Variants in NUSAP1 observed in about 807,000 individuals in gnomAD.
NUSAP1 encodes nucleolar and spindle-associated protein 1.
In NUSAP1, 32 loss-of-function variants were observed where a neutral mutation model predicts 52.8. The observed-to-expected ratio is 0.61, with a 90% CI of 0.46 to 0.81. The LOEUF (loss-of-function observed/expected upper bound fraction) is 0.81, where lower values mean the gene tolerates loss of function less well. Ranked by LOEUF, NUSAP1 falls within the 40% of genes least tolerant of loss-of-function variation. The pLI, the probability that NUSAP1 is intolerant of heterozygous loss-of-function variation, is 0.00. For missense variants in NUSAP1, 499 were observed against 522.3 expected (o/e 0.96, Z 0.43); for synonymous variants, 195 against 183.1 (o/e 1.06, Z -0.52).
At chr15:41,355,612 T>G (rs796657464) in intron 4 of NUSAP1, among the ~76,000 whole-genome samples, 2 of 152,198 alleles carry the variant, frequency 1.3e-5, no homozygotes, top group African/African-American at 4.8e-5. Context: ...TACCACCATC[T>G]TGACAGAGCC....
intron 1 of NUSAP1, among the ~76,000 whole-genome samples, chr15:41,341,009 G>A (rs2048346991): frequency 6.6e-6 from 1 of 152,152 alleles, no homozygotes; most frequent in Non-Finnish European, 1.5e-5. Flanking sequence ...GATGGCTGTG[G>A]CCCTCAACTG....
chr15:41,378,956 T>G (rs1341071978), intron 10 of NUSAP1, among the ~76,000 whole-genome samples: 1 of 109,634 alleles, frequency 9.1e-6, no homozygotes, highest in Non-Finnish European at 1.9e-5. Context: ...TTTTTTTTTT[T>G]TTTTTTTTTT....
intron 7 of NUSAP1, among the ~76,000 whole-genome samples, chr15:41,366,281 T>C (rs1408100226): frequency 6.9e-6 from 1 of 145,948 alleles, no homozygotes; most frequent in Non-Finnish European, 1.5e-5. Context: ...TTTCTTTTTT[T>C]TTCTTTTTTC....
chr15:41,360,052 G>A (rs919077393), intron 6 of NUSAP1, among the ~76,000 whole-genome samples: 23 of 150,986 alleles, frequency 1.5e-4, no homozygotes, highest in African/African-American at 5.1e-4. Flanking sequence ...TCTGCTTCCC[G>A]GATGCAGCAG....
chr15:41,370,914 C>T (rs1173200159), intron 7 of NUSAP1, among the ~76,000 whole-genome samples: 3 of 152,038 alleles, frequency 2.0e-5, no homozygotes, highest in Non-Finnish European at 4.4e-5. Context: ...AGAGCCAGAA[C>T]CTGTCTCAAG....
intron 10 of NUSAP1, among the ~76,000 whole-genome samples, chr15:41,378,944 G>GGTTTTTTTTTTT (rs1253258207): frequency 1.7e-4 from 11 of 63,262 alleles, no homozygotes; most frequent in African/African-American, 6.3e-4. Flanking sequence ...ACTTATCTTG[G>GGTTTTTTTTTTT]TTTTTTTTTT....
At chr15:41,354,089 T>C (rs2048872265) in intron 4 of NUSAP1, among the ~76,000 whole-genome samples, 1 of 152,172 alleles carries the variant, frequency 6.6e-6, no homozygotes, top group Non-Finnish European at 1.5e-5. Flanking sequence ...AAAATAATAA[T>C]AATAAGCTGG....
In NUSAP1 at chr15:41,380,398, T is replaced by G. The variant is rs58964563; in HGVS notation, c.*212T>G. On this transcript the variant is annotated 3_prime_UTR_variant, in exon 11 of 11. Transcript: ENST00000559596. ...CAAATTCTTTGGGATGGTTTTTACT[T>G]AAGTCCATTAACAATTCAGGTTTCT... 7.6e-3 allele frequency: 2,908 copies of G among 383,968 alleles called. 91 individuals are homozygous for G. The highest frequency in any genetic ancestry group is 0.057 in the African/African-American group (2,706 of 47,780). The allele number at this position is 383,968 out of a possible 1,614,324, so 23.8% of individuals were successfully genotyped here.
At chr15:41,347,162 A>C (rs2140589775) in intron 2 of NUSAP1, among the ~76,000 whole-genome samples, 1 of 152,166 alleles carries the variant, frequency 6.6e-6, no homozygotes, top group Non-Finnish European at 1.5e-5. Context: ...ACAGAACTAG[A>C]CTCTGTCTCA....
chr15:41,379,041 C>G (rs1384913155), intron 10 of NUSAP1, among the ~76,000 whole-genome samples: 5 of 135,230 alleles, frequency 3.7e-5, no homozygotes, highest in African/African-American at 1.4e-4. Context: ...GCAACCTCTG[C>G]CTCCCAGGTT....
intron 6 of NUSAP1, among the ~76,000 whole-genome samples, chr15:41,360,749 T>A (rs2049140943): frequency 6.7e-6 from 1 of 149,640 alleles, no homozygotes; most frequent in African/African-American, 2.4e-5. Flanking sequence ...GAGCCACCAC[T>A]CCTGTCCTCA....
rs1189325383 is a variant in NUSAP1 at position 41,380,726 on chromosome 15, G to A, written c.*540G>A. ...AAATTGTTTAGGCTTATGTACCTTC[G>A]TTCAAATATCCTCATGTAATTGCCA... On this transcript the variant is annotated 3_prime_UTR_variant, in exon 11 of 11. Transcript: ENST00000559596. 1.3e-5 allele frequency: 2 copies of A among 152,162 alleles called. No individual in the cohort carries two copies. Among genetic ancestry groups the A allele is most frequent in the Admixed American group, 6.6e-5 (1 of 15,236 alleles). 9.4% of individuals were successfully genotyped at this position (152,162 alleles called of 1,614,324 possible).
chr15:41,337,931 C>CTTTTT (rs757341496), intron 1 of NUSAP1, among the ~76,000 whole-genome samples: 10 of 110,934 alleles, frequency 9.0e-5, no homozygotes, highest in African/African-American at 1.1e-4. Flanking sequence ...TTTCTTTTTT[C>CTTTTT]TTTTTTTTTT....
intron 5 of NUSAP1, among the ~76,000 whole-genome samples, chr15:41,357,014 C>T (rs996203638): frequency 2.4e-4 from 36 of 152,092 alleles, no homozygotes; most frequent in Admixed American, 2.0e-4. Flanking sequence ...TGTTGCCTGC[C>T]TTGGCCTGTC....
At chr15:41,368,269 C>G (rs2049503363) in intron 7 of NUSAP1, among the ~76,000 whole-genome samples, 1 of 152,126 alleles carries the variant, frequency 6.6e-6, no homozygotes, top group South Asian at 2.1e-4. Flanking sequence ...CCTCCTGCCT[C>G]AGCCTCCCAA....
At chr15:41,335,311 T>C (rs1334601270) in intron 1 of NUSAP1, among the ~76,000 whole-genome samples, 1 of 144,704 alleles carries the variant, frequency 6.9e-6, no homozygotes. Context: ...ATATATATAC[T>C]AGTATATATA....
rs1273548883 is a variant in NUSAP1, at chr15:41,351,108, G to A, written c.427G>A (p.Ala143Thr). ...TTCTCCACCAGACGAGCACCAAGAA[G>A]CTGAGAATGCTGTTTCCTCAGGTAA... Reference protein sequence around the residue: ...VPSPPDEHQEAENAVSSGNRD... With the variant: ...VPSPPDEHQETENAVSSGNRD... The change falls in exon 4 of 11, where the codon GCT becomes ACT. Residue 143 changes from alanine (A) to threonine (T), a missense_variant. Physicochemically the swap from Ala to Thr is moderately conservative, Grantham distance 58 (BLOSUM62 0). Coordinates refer to ENST00000559596, the MANE Select transcript of NUSAP1 (RefSeq NM_016359.5). The A allele has an allele frequency of 1.2e-6, 2 of 1,612,098 alleles. No homozygotes were observed. Among genetic ancestry groups the A allele is most frequent in the Non-Finnish European group, 8.5e-7 (1 of 1,179,494 alleles).
At chr15:41,362,526 G>T (rs529304142) in intron 6 of NUSAP1, among the ~76,000 whole-genome samples, 2 of 149,694 alleles carry the variant, frequency 1.3e-5, no homozygotes, top group South Asian at 4.2e-4. Flanking sequence ...CCAGGTTCAT[G>T]CCACTCTCCT....
At chr15:41,376,488 C>G (rs1466865913) in intron 9 of NUSAP1, among the ~76,000 whole-genome samples, 2 of 149,250 alleles carry the variant, frequency 1.3e-5, no homozygotes, top group African/African-American at 4.9e-5. Context: ...GAGATCGAGA[C>G]CATCCTGGCT....
Sources: gnomAD v4.1 joint callset for allele counts (sites outside exome capture counted in the v4.1 genomes callset) on GRCh38, gnomAD v4.1.1 for gene constraint, MANE v1.5 for transcripts, NCBI Gene and HGNC (gene_info 2026-07-23, HGNC 2026-07-21) for gene names.